Variants in KCNMA1 observed in about 807,000 individuals in gnomAD.
The protein encoded by KCNMA1 is Calcium-activated potassium channel subunit alpha-1.
Under a neutral mutation model 140.0 loss-of-function variants are expected in KCNMA1, and 29 were observed. The observed-to-expected ratio is 0.21, with a 90% CI of 0.15 to 0.28. The LOEUF (loss-of-function observed/expected upper bound fraction) is 0.28. Among genes scored for constraint, KCNMA1 ranks in the 10% least tolerant of loss-of-function variants. The pLI, the probability that KCNMA1 is intolerant of heterozygous loss-of-function variation, is 1.00. For synonymous variants in KCNMA1, 612 were observed against 611.9 expected (o/e 1.00, Z 0.00); for missense variants, 880 against 1,602.2 (o/e 0.55, Z 7.70).
chr10:77,596,025 G>A (rs1310941234), intron 1 of KCNMA1, among the ~76,000 whole-genome samples: 2 of 152,136 alleles, frequency 1.3e-5, no homozygotes, highest in African/African-American at 2.4e-5. Context: ...CCACATAAGA[G>A]ACTAATAAGC....
At chr10:77,047,629 C>A (rs1457048103) in intron 14 of KCNMA1, among the ~76,000 whole-genome samples, 1 of 149,378 alleles carries the variant, frequency 6.7e-6, no homozygotes, top group African/African-American at 2.5e-5. Context: ...TTTTGCCACC[C>A]TATCCTCAAT....
intron 20 of KCNMA1, among the ~76,000 whole-genome samples, chr10:76,955,913 G>A (rs1270651833): frequency 2.0e-5 from 3 of 152,170 alleles, no homozygotes; most frequent in Admixed American, 2.0e-4. Context: ...TTGCCCTGAA[G>A]ATATAGAGCC....
chr10:77,502,502 T>G (rs1170867146), intron 1 of KCNMA1, among the ~76,000 whole-genome samples: 11 of 152,140 alleles, frequency 7.2e-5, no homozygotes, highest in Non-Finnish European at 1.5e-5. Context: ...TTTTCCATCC[T>G]GGATACTCTA....
At chr10:77,202,832 T>C (rs1280781253) in intron 3 of KCNMA1, among the ~76,000 whole-genome samples, 1 of 152,158 alleles carries the variant, frequency 6.6e-6, no homozygotes, top group Non-Finnish European at 1.5e-5. Flanking sequence ...CAAGGCCAAA[T>C]GAGGCAATAA....
At chr10:76,918,732 C>T (rs2054023219) in intron 23 of KCNMA1, among the ~76,000 whole-genome samples, 2 of 152,062 alleles carry the variant, frequency 1.3e-5, no homozygotes, top group Admixed American at 6.6e-5. Flanking sequence ...AGCAATCCCA[C>T]CACTGGTTAT....
chr10:76,904,655 T>A (rs574976499), intron 25 of KCNMA1: 1 of 152,166 alleles, frequency 6.6e-6, no homozygotes, highest in Non-Finnish European at 1.5e-5. Flanking sequence ...TTCCCCTTTT[T>A]CTCCTCAGAA....
chr10:76,887,142 C>T lies in KCNMA1; in HGVS notation c.*124G>A, dbSNP rs200115069. 6.9e-6 allele frequency: 11 copies of T among 1,605,174 alleles called. No individual in the cohort carries two copies. Among genetic ancestry groups the T allele is most frequent in the Non-Finnish European group, 9.3e-6 (11 of 1,178,538 alleles). ...CCACATGCACACTATCATACATATG[C>T]AAATATGTGTAAAAAAAAAGGGGGG... On this transcript the variant is annotated 3_prime_UTR_variant, in exon 28 of 28. Coordinates refer to ENST00000286628, the MANE Select transcript of KCNMA1 (RefSeq NM_001161352.2).
intron 15 of KCNMA1, among the ~76,000 whole-genome samples, chr10:77,034,923 C>A (rs1474851337): frequency 6.6e-6 from 1 of 152,106 alleles, no homozygotes; most frequent in African/African-American, 2.4e-5. Context: ...AGATTCAGAA[C>A]CTAGAACACA....
At chr10:77,162,681 A>G (rs1007727296) in intron 5 of KCNMA1, among the ~76,000 whole-genome samples, 30 of 152,226 alleles carry the variant, frequency 2.0e-4, no homozygotes, top group Non-Finnish European at 2.6e-4. Context: ...TCCAATGGGT[A>G]AAGAATGAGA....
chr10:76,916,445 C>A (rs2052955070), intron 23 of KCNMA1, among the ~76,000 whole-genome samples: 2 of 152,310 alleles, frequency 1.3e-5, no homozygotes, highest in South Asian at 4.1e-4. Context: ...TATTAGAAAC[C>A]TATTTACTTC....
intron 2 of KCNMA1, among the ~76,000 whole-genome samples, chr10:77,364,395 G>A (rs1020775836): frequency 2.0e-5 from 3 of 151,950 alleles, no homozygotes; most frequent in African/African-American, 7.3e-5. Context: ...AGGCTGCAGT[G>A]AGCCAAGATC....
chr10:76,887,849 T>A, intron 27 of KCNMA1: 1 of 350,538 alleles, frequency 2.9e-6, no homozygotes, highest in East Asian at 6.6e-5. Flanking sequence ...AGAGGTTTCA[T>A]GAAGTGTGAT....
At chr10:77,517,733 T>C (rs1459871176) in intron 1 of KCNMA1, among the ~76,000 whole-genome samples, 2 of 152,198 alleles carry the variant, frequency 1.3e-5, no homozygotes, top group Non-Finnish European at 2.9e-5. Flanking sequence ...TCCATGCATT[T>C]GTTCATTTCC....
intron 15 of KCNMA1, among the ~76,000 whole-genome samples, chr10:77,035,199 A>G (rs187822460): frequency 2.0e-5 from 3 of 152,310 alleles, no homozygotes; most frequent in Non-Finnish European, 4.4e-5. Context: ...AGAGCTCCCT[A>G]TGGTACCAGG....
intron 14 of KCNMA1, among the ~76,000 whole-genome samples, chr10:77,070,727 G>A (rs2096169492): frequency 6.6e-6 from 1 of 152,160 alleles, no homozygotes; most frequent in Non-Finnish European, 1.5e-5. Context: ...TCCCTGGAAT[G>A]GGAGATAATA....
At chr10:77,183,636 G>C in intron 4 of KCNMA1, 104 bp from the exon 5 acceptor site, 1 of 776,734 alleles carries the variant, frequency 1.3e-6, no homozygotes, top group Non-Finnish European at 2.2e-6. Flanking sequence ...TTTTCATAGG[G>C]CCACCACGCC....
chr10:76,986,376 C>A (rs890231349), intron 19 of KCNMA1, among the ~76,000 whole-genome samples: 1 of 152,194 alleles, frequency 6.6e-6, no homozygotes, highest in African/African-American at 2.4e-5. Context: ...TGAAGAGAAC[C>A]AAATGTCACA....
At position 77,224,604 on chromosome 10, in the gene KCNMA1, C is replaced by G. The variant is rs184637169; in HGVS notation, c.602+26591G>C. Among the ~76,000 whole-genome samples the G allele has an allele frequency of 3.1e-3, 477 of 152,312 alleles. 2 individuals are homozygous for G. Among genetic ancestry groups the G allele is most frequent in the African/African-American group, 0.011 (457 of 41,568 alleles). On this transcript the variant is annotated intron_variant, in intron 3 of 27. Transcript: ENST00000286628. Reference sequence around the variant, plus strand: ...GACCCCACTCAGGCACCAGCTCCTTCCGGCAGCTCTTCCTTACCCTGCTGA... The same window carrying G: ...GACCCCACTCAGGCACCAGCTCCTTGCGGCAGCTCTTCCTTACCCTGCTGA...
At chr10:76,951,588 C>T (rs2066275110) in intron 21 of KCNMA1, among the ~76,000 whole-genome samples, 1 of 152,106 alleles carries the variant, frequency 6.6e-6, no homozygotes, top group South Asian at 2.1e-4. Flanking sequence ...CTTCAAATCC[C>T]CAAAGTAGTT....
Sources: allele counts gnomAD v4.1 joint callset (sites outside exome capture counted in the v4.1 genomes callset), GRCh38; gene constraint gnomAD v4.1.1; transcripts MANE v1.5; gene names NCBI Gene and HGNC (gene_info 2026-07-23, HGNC 2026-07-21).